Variants in GNA13 observed in about 807,000 individuals in gnomAD.
GNA13 encodes the protein G protein subunit alpha 13.
A neutral mutation model predicts 33.5 loss-of-function variants in GNA13; 4 were observed. That is an observed-to-expected ratio of 0.12 (90% confidence interval 0.06 to 0.27). GNA13 has a LOEUF of 0.27. GNA13 is among the 10% of genes least tolerant of loss of function. GNA13 has a pLI of 1.00. For synonymous variants in GNA13, 176 were observed against 183.8 expected (o/e 0.96, Z 0.34); for missense variants, 319 against 487.2 (o/e 0.65, Z 3.25).
intron 1 of GNA13, 49 bp downstream of exon 1, chr17:65,056,262 C>T: frequency 3.2e-6 from 4 of 1,237,850 alleles, no homozygotes; most frequent in Non-Finnish European, 4.5e-6. Flanking sequence ...CCCGCCGCCG[C>T]CCCAGCCCCC....
chr17:65,019,883 T>G (rs1346610564), intron 2 of GNA13, among the ~76,000 whole-genome samples: 3 of 152,240 alleles, frequency 2.0e-5, no homozygotes, highest in African/African-American at 4.8e-5. Flanking sequence ...TACCCTATCT[T>G]CCATGAGTGA....
chr17:65,023,556 A>G (rs915969437), intron 2 of GNA13, among the ~76,000 whole-genome samples: 1 of 152,230 alleles, frequency 6.6e-6, no homozygotes, highest in Non-Finnish European at 1.5e-5. Flanking sequence ...AATTCAACCT[A>G]AAATTACAAG....
intron 2 of GNA13, among the ~76,000 whole-genome samples, chr17:65,045,940 T>C (rs1907643968): frequency 6.6e-6 from 1 of 152,190 alleles, no homozygotes; most frequent in Admixed American, 6.6e-5. Flanking sequence ...GTTTGAGTGC[T>C]AGTAAAATGG....
At chr17:65,035,846 G>A (rs561838046) in intron 2 of GNA13, among the ~76,000 whole-genome samples, 66 of 151,566 alleles carry the variant, frequency 4.4e-4, no homozygotes, top group African/African-American at 1.5e-3. Flanking sequence ...AAAAGTATAT[G>A]CTGTTTTCCA....
intron 2 of GNA13, among the ~76,000 whole-genome samples, chr17:65,020,704 G>A (rs1378062509): frequency 6.6e-6 from 1 of 151,354 alleles, no homozygotes; most frequent in Non-Finnish European, 1.5e-5. Flanking sequence ...AGGCTGGGGT[G>A]CAATGGCGCG....
chr17:65,043,965 CA>C (rs1459669217), intron 2 of GNA13, among the ~76,000 whole-genome samples: 2 of 151,906 alleles, frequency 1.3e-5, no homozygotes, highest in African/African-American at 4.8e-5. Flanking sequence ...CTGAAAATAA[CA>C]AAAAAACTAG....
rs369492677 is a variant in GNA13, at chr17:65,031,100, C to A, written c.511-12797G>T. ...AGAACCAACCAAGTGCTATAAAGAGCAGAACATCTTAATTACTAGCATACA... is the reference window on the plus strand; with the variant it reads ...AGAACCAACCAAGTGCTATAAAGAGAAGAACATCTTAATTACTAGCATACA... On this transcript the variant is annotated intron_variant, in intron 2 of 3. Transcript: ENST00000439174. Among the ~76,000 whole-genome samples, 4 of 152,090 alleles carry A rather than the reference C, an allele frequency of 2.6e-5. No homozygotes were observed. In the South Asian group the frequency reaches 8.3e-4, roughly 31 times the overall value.
chr17:65,027,149 T>TA (rs1041295031), intron 2 of GNA13, among the ~76,000 whole-genome samples: 1 of 152,212 alleles, frequency 6.6e-6, no homozygotes, highest in African/African-American at 2.4e-5. Flanking sequence ...TATGAAAATC[T>TA]AGTTTACTGA....
chr17:65,015,909 T>C (rs1226650720), intron 3 of GNA13, among the ~76,000 whole-genome samples: 1 of 152,192 alleles, frequency 6.6e-6, no homozygotes, highest in Non-Finnish European at 1.5e-5. Context: ...AACTAGTCAC[T>C]TACTCTGAGT....
At position 65,056,597 on chromosome 17, in the gene GNA13, G is replaced by GCCA. The variant is rs2143839036; in HGVS notation, c.-5_-4insTGG. The GCCA allele has an allele frequency of 7.5e-7, 1 of 1,336,512 alleles. No individual in the cohort carries two copies. The highest frequency in any genetic ancestry group is 1.0e-6 in the Non-Finnish European group (1 of 977,684). The allele number at this position is 1,336,512 out of a possible 1,614,324, so 82.8% of individuals were successfully genotyped here. On this transcript the variant is annotated 5_prime_UTR_variant, in exon 1 of 4. Coordinates refer to ENST00000439174, the MANE Select transcript of GNA13 (RefSeq NM_006572.6). ...GCGACGGCAGGAAGTCCGCCATCTT[G>GCCA]CCGCCGCCGCCGCCGCCTCGGCGGG...
chr17:65,031,363 C>T (rs1282372378), intron 2 of GNA13, among the ~76,000 whole-genome samples: 1 of 152,202 alleles, frequency 6.6e-6, no homozygotes, highest in Non-Finnish European at 1.5e-5. Flanking sequence ...TGCAGTCAGT[C>T]CTTGACCAAA....
At position 65,018,092 on chromosome 17, in the gene GNA13, TAAAAAAAAAAA is replaced by T. The variant is rs767082596; in HGVS notation, c.561+150_561+160del. Among the ~76,000 whole-genome samples the T allele has an allele frequency of 3.7e-3, 79 of 21,498 alleles. 2 individuals are homozygous for T. The highest frequency in any genetic ancestry group is 5.8e-3 in the Non-Finnish European group (60 of 10,326). The allele number at this position is 21,498 out of a possible 152,430, so 14.1% of individuals were successfully genotyped here. On this transcript the variant is annotated intron_variant, in intron 3 of 3. Coordinates refer to ENST00000439174, the MANE Select transcript of GNA13 (RefSeq NM_006572.6). ...CAGAGAAGAATCAGAACGCCACCACTAAAAAAAAAAAAAAAAAAAAAAAAAAAAAAAAAAAA... is the reference window on the plus strand; with the variant it reads ...CAGAGAAGAATCAGAACGCCACCACTAAAAAAAAAAAAAAAAAAAAAAAAA...
intron 2 of GNA13, among the ~76,000 whole-genome samples, chr17:65,022,361 A>C (rs1906611979): frequency 6.6e-6 from 1 of 151,924 alleles, no homozygotes. Flanking sequence ...TATAACTTGA[A>C]AATATTCCAA....
At chr17:65,047,483 C>A (rs1309729819) in intron 2 of GNA13, among the ~76,000 whole-genome samples, 4 of 152,080 alleles carry the variant, frequency 2.6e-5, no homozygotes, top group Admixed American at 2.0e-4. Flanking sequence ...TAACACTAAT[C>A]CTAGAATCAA....
intron 2 of GNA13, among the ~76,000 whole-genome samples, chr17:65,023,343 A>C (rs1387454754): frequency 6.6e-6 from 1 of 152,240 alleles, no homozygotes; most frequent in Non-Finnish European, 1.5e-5. Context: ...TCAGCAGGTC[A>C]TGAGTTTCTG....
intron 2 of GNA13, among the ~76,000 whole-genome samples, chr17:65,034,457 C>G (rs1448525160): frequency 6.6e-6 from 1 of 151,850 alleles, no homozygotes; most frequent in Admixed American, 6.6e-5. Flanking sequence ...CGCCACCACG[C>G]CCAGCTAATT....
chr17:65,032,833 G>A (rs968587190), intron 2 of GNA13, among the ~76,000 whole-genome samples: 10 of 152,260 alleles, frequency 6.6e-5, no homozygotes, highest in Non-Finnish European at 1.3e-4. Flanking sequence ...GTATTAGGCT[G>A]GGTGCGGCGG....
At chr17:65,042,107 CCCG>C (rs1347042334) in intron 2 of GNA13, among the ~76,000 whole-genome samples, 1 of 151,932 alleles carries the variant, frequency 6.6e-6, no homozygotes, top group Non-Finnish European at 1.5e-5. Flanking sequence ...ACCTGTAATC[CCCG>C]CACTTAGGGA....
rs180895763 is a variant in GNA13, at chr17:65,022,658, A to C, written c.511-4355T>G. ...AAAACAAAAACAAAACACATGCAAAATTTTAAAATGGAATAGCTTATCACT... is the reference window on the plus strand; with the variant it reads ...AAAACAAAAACAAAACACATGCAAACTTTTAAAATGGAATAGCTTATCACT... On this transcript the variant is annotated intron_variant, in intron 2 of 3. Coordinates refer to ENST00000439174, the MANE Select transcript of GNA13 (RefSeq NM_006572.6). Among the ~76,000 whole-genome samples the C allele has an allele frequency of 1.4e-3, 219 of 152,340 alleles. 2 individuals carry two copies. Among genetic ancestry groups the C allele is most frequent in the South Asian group, 2.3e-3 (11 of 4,828 alleles).
Sources: allele counts gnomAD v4.1 joint callset (sites outside exome capture counted in the v4.1 genomes callset), GRCh38; gene constraint gnomAD v4.1.1; transcripts MANE v1.5; gene names NCBI Gene and HGNC (gene_info 2026-07-23, HGNC 2026-07-21).